Variants in STPG2 observed in about 807,000 individuals in gnomAD.
STPG2 encodes the protein sperm tail PG-rich repeat containing 2.
A neutral mutation model predicts 54.2 loss-of-function variants in STPG2; 56 were observed. The ratio of observed to expected loss-of-function variants is 1.03; its 90% CI spans 0.83 to 1.29. The LOEUF (loss-of-function observed/expected upper bound fraction) is 1.29, where lower values mean the gene tolerates loss of function less well. STPG2 is among the 50% of genes most tolerant of loss of function. The pLI is 0.00. For missense variants in STPG2, 596 were observed against 544.9 expected, an observed-to-expected ratio of 1.09 and a Z score of -0.93; for synonymous variants, 200 against 181.8, an observed-to-expected ratio of 1.10 and a Z score of -0.81.
At chr4:97,675,101 T>C (rs1722800835) in intron 10 of STPG2, among the ~76,000 whole-genome samples, 1 of 152,234 alleles carries the variant, frequency 6.6e-6, no homozygotes, top group Admixed American at 6.5e-5. Flanking sequence ...CCTCCTGGGT[T>C]CAAGCGATTC....
At chr4:97,484,879 C>T (rs550030574) in intron 4 of STPG2, among the ~76,000 whole-genome samples, 3 of 151,880 alleles carry the variant, frequency 2.0e-5, no homozygotes, top group African/African-American at 7.2e-5. Flanking sequence ...GTGGGTTTCA[C>T]ACCAGGGATG....
chr4:97,970,734 C>G (rs1014506684), intron 7 of STPG2, among the ~76,000 whole-genome samples: 6 of 152,160 alleles, frequency 3.9e-5, no homozygotes, highest in African/African-American at 1.4e-4. Flanking sequence ...CAATACCATT[C>G]AGGACATAGG....
intron 5 of STPG2, among the ~76,000 whole-genome samples, chr4:98,019,007 AAGCTCTTT>A (rs1736073761): frequency 6.6e-6 from 1 of 151,512 alleles, no homozygotes; most frequent in South Asian, 2.1e-4. Flanking sequence ...TGCTGTGCAG[AAGCTCTTT>A]AGTTTAATGA....
At chr4:97,527,843 GTTGT>G (rs374819988) in intron 4 of STPG2, among the ~76,000 whole-genome samples, 2,447 of 152,104 alleles carry the variant, frequency 0.016, 50 homozygotes, top group African/African-American at 0.049. Flanking sequence ...TTTTGATGGG[GTTGT>G]TTGTTTTTTT....
chr4:97,516,298 C>A lies in STPG2; in HGVS notation c.462+196401G>T, dbSNP rs1731073760. 2.0e-5 allele frequency among the ~76,000 whole-genome samples: 3 copies of A among 152,054 alleles called. No homozygotes were observed. The South Asian group carries it at 6.2e-4, about 31-fold the overall frequency. ...TTGGCCATGAACTAAACCAGAGTCA[C>A]AAATTTTAAGGTTAAAGGTAACCTA... On this transcript the variant is annotated intron_variant, in intron 4 of 4. Transcript: ENST00000522676.
intron 10 of STPG2, among the ~76,000 whole-genome samples, chr4:97,618,904 G>A (rs982044247): frequency 1.3e-5 from 2 of 152,140 alleles, no homozygotes; most frequent in African/African-American, 4.8e-5. Flanking sequence ...TAAGTGGGGT[G>A]TAAATTTCTA....
chr4:97,845,882 C>T (rs1282731348), intron 8 of STPG2, among the ~76,000 whole-genome samples: 1 of 152,080 alleles, frequency 6.6e-6, no homozygotes, highest in Non-Finnish European at 1.5e-5. Context: ...TAAGTCTGGG[C>T]AAGGACTAAA....
At chr4:97,847,808 A>T (rs1405163302) in intron 8 of STPG2, among the ~76,000 whole-genome samples, 1 of 148,226 alleles carries the variant, frequency 6.7e-6, no homozygotes, top group East Asian at 2.2e-4. Flanking sequence ...CAAGCCTAAA[A>T]ATACAAAGCT....
At chr4:97,671,632 T>C (rs1722699563) in intron 10 of STPG2, among the ~76,000 whole-genome samples, 1 of 152,230 alleles carries the variant, frequency 6.6e-6, no homozygotes, top group African/African-American at 2.4e-5. Context: ...ATTCAATGAA[T>C]ACTTATTGAG....
At chr4:97,552,566 C>T (rs1275896904) in intron 4 of STPG2, among the ~76,000 whole-genome samples, 6 of 151,996 alleles carry the variant, frequency 3.9e-5, no homozygotes, top group Admixed American at 3.9e-4. Context: ...TCTTCTGCTG[C>T]TAAATTCTTT....
At chr4:97,551,419 A>G (rs1578381988) in intron 4 of STPG2, among the ~76,000 whole-genome samples, 1 of 152,350 alleles carries the variant, frequency 6.6e-6, no homozygotes, top group East Asian at 1.9e-4. Context: ...ATATTTTGAA[A>G]CTGAGTAATG....
chr4:97,706,725 C>T (rs1723955447), intron 10 of STPG2, among the ~76,000 whole-genome samples: 4 of 152,096 alleles, frequency 2.6e-5, no homozygotes, highest in Non-Finnish European at 5.9e-5. Context: ...AGATTCGACA[C>T]AGGATCTACC....
chr4:97,514,964 G>T (rs1174339322), intron 4 of STPG2, among the ~76,000 whole-genome samples: 1 of 151,980 alleles, frequency 6.6e-6, no homozygotes, highest in East Asian at 1.9e-4. Flanking sequence ...ACATGCATGG[G>T]TCTTTAAACC....
Position 97,587,040 on chromosome 4 carries a change from GGTAATGT to G in STPG2, c.1321-27930_1321-27924del, listed in dbSNP as rs1733019578. Among the ~76,000 whole-genome samples, 34 of 151,844 alleles carry G rather than the reference GGTAATGT, an allele frequency of 2.2e-4. 1 individual carries two copies. The highest frequency in any genetic ancestry group is 1.5e-5 in the Non-Finnish European group (1 of 67,864). The stretch of plus-strand genomic sequence containing the variant: ...TGGCAATTATCAAAGTGGCTATAAA[GGTAATGT>G]TTGTCTTTGCTAGTAAAACACAAGT... On this transcript the variant is annotated intron_variant, in intron 10 of 10. Coordinates refer to ENST00000295268, the MANE Select transcript of STPG2 (RefSeq NM_174952.3).
intron 8 of STPG2, 23 bp downstream of exon 8, chr4:97,943,874 T>C (rs754260547): frequency 1.4e-6 from 2 of 1,454,290 alleles, no homozygotes; most frequent in East Asian, 2.5e-5. Context: ...AATGAAAATA[T>C]TTGATTGTAG....
intron 7 of STPG2, among the ~76,000 whole-genome samples, chr4:97,947,882 T>C (rs1307134214): frequency 6.6e-6 from 1 of 152,022 alleles, no homozygotes; most frequent in African/African-American, 2.4e-5. Flanking sequence ...TGTTATGTTC[T>C]TTCCTGGTTC....
At position 97,486,825 on chromosome 4, in the gene STPG2, G is replaced by GTATATATA. The variant is rs1243234512; in HGVS notation, c.462+225873_462+225874insTATATATA. Among the ~76,000 whole-genome samples, 80 of 130,880 alleles carry GTATATATA rather than the reference G, an allele frequency of 6.1e-4. 1 individual carries two copies. Among genetic ancestry groups the GTATATATA allele is most frequent in the African/African-American group, 2.5e-3 (79 of 31,552 alleles). 85.9% of individuals were successfully genotyped at this position (130,880 alleles called of 152,430 possible). On this transcript the variant is annotated intron_variant, in intron 4 of 4. Coordinates refer to the STPG2 transcript ENST00000522676. ...CTGTGGTGTGTGTGTGTGTGTGTGT[G>GTATATATA]TGTGTATATATATATATATATATGT...
intron 9 of STPG2, among the ~76,000 whole-genome samples, chr4:97,777,976 C>G (rs961755297): frequency 1.3e-5 from 2 of 152,122 alleles, no homozygotes; most frequent in East Asian, 3.9e-4. Context: ...GTCTACAGCT[C>G]CCAGCATGAG....
At chr4:97,536,621 A>G (rs183153836) in intron 4 of STPG2, among the ~76,000 whole-genome samples, 30 of 152,326 alleles carry the variant, frequency 2.0e-4, no homozygotes, top group Non-Finnish European at 1.5e-4. Context: ...GTCCCAAACT[A>G]GGTGGGTGTC....
Sources: gnomAD v4.1 joint callset for allele counts (sites outside exome capture counted in the v4.1 genomes callset) on GRCh38, gnomAD v4.1.1 for gene constraint, MANE v1.5 for transcripts, NCBI Gene and HGNC (gene_info 2026-07-23, HGNC 2026-07-21) for gene names.